PPIL3: variants seen among roughly 807,000 people sequenced by gnomAD.
PPIL3 encodes peptidyl-prolyl cis-trans isomerase-like 3.
Under a neutral mutation model 20.9 loss-of-function variants are expected in PPIL3, and 13 were observed. That is an observed-to-expected ratio of 0.62 (90% CI 0.40 to 0.99). The LOEUF is 0.99. Among genes scored for constraint, PPIL3 ranks in the 50% least tolerant of loss-of-function variants. The pLI, the probability that PPIL3 is intolerant of heterozygous loss-of-function variation, is 0.00. For missense variants in PPIL3, 170 were observed against 195.2 expected (o/e 0.87, Z 0.77); for synonymous variants, 71 against 64.4 (o/e 1.10, Z -0.49).
At chr2:200,876,506 CTTTT>C (rs2039521510) in intron 6 of PPIL3, among the ~76,000 whole-genome samples, 1 of 149,546 alleles carries the variant, frequency 6.7e-6, no homozygotes, top group African/African-American at 2.5e-5. Flanking sequence ...TCTTTTCTTT[CTTTT>C]CTTTTCATTT....
intron 6 of PPIL3, among the ~76,000 whole-genome samples, chr2:200,875,919 T>C (rs2039494585): frequency 6.6e-6 from 1 of 152,084 alleles, no homozygotes; most frequent in African/African-American, 2.4e-5. Flanking sequence ...TTTCCTCCCC[T>C]TTCCTCCCTG....
chr2:200,888,543 G>A (rs2040060884), intron 1 of PPIL3: 2 of 179,752 alleles, frequency 1.1e-5, no homozygotes, highest in South Asian at 1.9e-4. Context: ...TTTTGAGACG[G>A]AGTCTCGCTA....
chr2:200,888,411 T>C (rs1575124008), intron 1 of PPIL3: 3 of 155,162 alleles, frequency 1.9e-5, no homozygotes, highest in Admixed American at 1.9e-4. Flanking sequence ...TTATCACTAA[T>C]ATACTATGAA....
chr2:200,881,411 G>C lies in PPIL3; in HGVS notation c.240+10C>G, dbSNP rs750443937. The C allele has an allele frequency of 3.1e-6, 5 of 1,602,392 alleles. No individual in the cohort carries two copies. Among genetic ancestry groups the C allele is most frequent in the Non-Finnish European group, 4.3e-6 (5 of 1,173,900 alleles). ...ATGAGAAATAGATTTTTAAAGCATT[G>C]AGGATTTACCTTAAGATATTCACTG... is the stretch of plus-strand genomic sequence containing the variant. On this transcript the variant is annotated intron_variant, in intron 5 of 6. Coordinates refer to ENST00000392283, the MANE Select transcript of PPIL3 (RefSeq NM_130906.3).
At position 200,871,395 on chromosome 2, in the gene PPIL3, C is replaced by A; in HGVS notation, c.486G>T (p.Ter162TyrextTer2). 6.2e-7 allele frequency: 1 copy of A among 1,609,822 alleles called. No individual in the cohort carries two copies. Residue 162 changes from the stop codon to tyrosine (Y), a stop_lost, in exon 7 of 7, where the codon TAG (stop) becomes TAT (tyrosine). Coordinates refer to ENST00000392283, the MANE Select transcript of PPIL3 (RefSeq NM_130906.3). ...ITIHANPFAQ* is the reference protein window; with the variant it reads ...ITIHANPFAQY ...AGTTATTTGTCCAGGTCTATCATAG[C>A]TACTGAGCAAATGGGTTGGCATGAA...
intron 6 of PPIL3, among the ~76,000 whole-genome samples, chr2:200,873,291 C>T (rs2039381131): frequency 6.6e-6 from 1 of 150,586 alleles, no homozygotes; most frequent in Admixed American, 6.6e-5. Flanking sequence ...CCTTCAGGTT[C>T]AAGCAATTCT....
chr2:200,886,733 TAG>T (rs1471942711), intron 2 of PPIL3, among the ~76,000 whole-genome samples: 2 of 152,068 alleles, frequency 1.3e-5, no homozygotes, highest in African/African-American at 4.8e-5. Flanking sequence ...GCCTAGCAGT[TAG>T]AGAGTATGAG....
Position 200,879,403 on chromosome 2 carries a change from GCCA to G in PPIL3, c.240+2015_240+2017del, listed in dbSNP as rs1421701631. On this transcript the variant is annotated intron_variant, in intron 5 of 6. Transcript: ENST00000392283. ...CAAAGTGCTGGGATTACAGGTGTGA[GCCA>G]CCGCGCCCGGCCTATATAATGGTTC... is the stretch of plus-strand genomic sequence containing the variant. Among the ~76,000 whole-genome samples, 7 of 152,200 alleles carry G rather than the reference GCCA, an allele frequency of 4.6e-5. No homozygotes were observed. In the East Asian group the frequency reaches 1.4e-3, roughly 29 times the overall value.
intron 3 of PPIL3, among the ~76,000 whole-genome samples, chr2:200,883,453 C>CA (rs1399928688): frequency 6.6e-6 from 1 of 151,634 alleles, no homozygotes; most frequent in Non-Finnish European, 1.5e-5. Flanking sequence ...AAGGCATTAT[C>CA]ATCTTTTAGA....
intron 6 of PPIL3, among the ~76,000 whole-genome samples, chr2:200,874,032 C>T (rs571909105): frequency 1.7e-4 from 25 of 150,990 alleles, no homozygotes; most frequent in East Asian, 6.0e-4. Flanking sequence ...GGTGAAACCC[C>T]GTCTCTACTA....
At chr2:200,875,300 G>C (rs374806800) in intron 6 of PPIL3, among the ~76,000 whole-genome samples, 1 of 151,460 alleles carries the variant, frequency 6.6e-6, no homozygotes, top group Non-Finnish European at 1.5e-5. Context: ...ACGGAGTCTC[G>C]CTTTGTCACC....
At chr2:200,880,984 A>G (rs569027234) in intron 5 of PPIL3, among the ~76,000 whole-genome samples, 2 of 152,322 alleles carry the variant, frequency 1.3e-5, no homozygotes, top group East Asian at 3.9e-4. Flanking sequence ...AAGTCATATT[A>G]ATACAGGGAT....
At chr2:200,875,292 G>A (rs1342428894) in intron 6 of PPIL3, among the ~76,000 whole-genome samples, 3 of 151,078 alleles carry the variant, frequency 2.0e-5, no homozygotes, top group Non-Finnish European at 2.9e-5. Context: ...TTTTTGAGAC[G>A]GAGTCTCGCT....
Position 200,871,244 on chromosome 2 carries a change from GTTGGGCGCCCC to G in PPIL3, c.*140_*150del. The G allele has an allele frequency of 1.5e-6, 1 of 645,522 alleles. No individual in the cohort carries two copies. Among genetic ancestry groups the G allele is most frequent in the South Asian group, 3.3e-5 (1 of 30,310 alleles). The allele number at this position is 645,522 out of a possible 1,614,324, so 40.0% of individuals were successfully genotyped here. On this transcript the variant is annotated 3_prime_UTR_variant, in exon 7 of 7. Coordinates refer to ENST00000392283, the MANE Select transcript of PPIL3 (RefSeq NM_130906.3). ...TGCTCTAAGAATGGGGATAAAAGCT[GTTGGGCGCCCC>G]TTGGTACCACCATTTCATAGAAGAT...
At chr2:200,872,875 G>GTTT (rs540748211) in intron 6 of PPIL3, among the ~76,000 whole-genome samples, 1 of 143,226 alleles carries the variant, frequency 7.0e-6, no homozygotes, top group Non-Finnish European at 1.5e-5. Flanking sequence ...CTTTGTACTT[G>GTTT]TTTTTTTTTT....
At chr2:200,887,172 G>A (rs1301485453) in intron 2 of PPIL3, among the ~76,000 whole-genome samples, 1 of 152,096 alleles carries the variant, frequency 6.6e-6, no homozygotes, top group African/African-American at 2.4e-5. Context: ...ATCACCTGAG[G>A]TCAGGAGTTC....
chr2:200,876,151 T>G (rs558480753), intron 6 of PPIL3, among the ~76,000 whole-genome samples: 17 of 151,612 alleles, frequency 1.1e-4, no homozygotes, highest in South Asian at 4.2e-4. Flanking sequence ...TTGTTTTTTT[T>G]TTTTTTAAAG....
rs775765331 is a variant in PPIL3, at chr2:200,885,693, C to T, written c.78+5G>A. On this transcript the variant is annotated splice_donor_5th_base_variant and intron_variant, in intron 3 of 6. Transcript: ENST00000392283. ...GATGTTGAATATGTAAATAATAGTA[C>T]TTACCTCACATGTTTTGGGTGTCCT... The T allele has an allele frequency of 2.0e-6, 3 of 1,518,858 alleles. No homozygotes were observed. Among genetic ancestry groups the T allele is most frequent in the Admixed American group, 1.7e-5 (1 of 58,476 alleles). The allele number at this position is 1,518,858 out of a possible 1,614,324, so 94.1% of individuals were successfully genotyped here.
intron 6 of PPIL3, among the ~76,000 whole-genome samples, chr2:200,876,494 CTTCTTTTCT>C (rs1006421801): frequency 3.3e-5 from 5 of 150,800 alleles, no homozygotes; most frequent in Admixed American, 1.3e-4. Context: ...TCACACCACT[CTTCTTTTCT>C]TTCTTTTCTT....
Sources: gnomAD v4.1 joint callset for allele counts (sites outside exome capture counted in the v4.1 genomes callset) on GRCh38, gnomAD v4.1.1 for gene constraint, MANE v1.5 for transcripts, NCBI Gene and HGNC (gene_info 2026-07-23, HGNC 2026-07-21) for gene names.